Variants in DCHS2 observed in about 807,000 individuals in gnomAD.
DCHS2 encodes the protein protocadherin-23.
DCHS2 carries 142 observed loss-of-function variants against 182.4 expected under a neutral mutation model. The ratio of observed to expected loss-of-function variants is 0.78; its 90% CI spans 0.68 to 0.89. DCHS2 has a LOEUF of 0.89. Ranked by LOEUF, DCHS2 falls within the 40% of genes least tolerant of loss-of-function variation. DCHS2 has a pLI of 0.00. For missense variants in DCHS2, 4,319 were observed against 4,198.6 expected, an observed-to-expected ratio of 1.03 and a Z score of -0.79; for synonymous variants, 1,740 against 1,663.3, an observed-to-expected ratio of 1.05 and a Z score of -1.12.
chr4:154,489,567 C>T lies in DCHS2; in HGVS notation c.1789G>A (p.Val597Ile). The change falls in exon 1 of 20, where the codon GTC (valine) becomes ATC (isoleucine). Residue 597 changes from valine (V) to isoleucine (I), a missense_variant. Val to Ile is a conservative substitution (Grantham distance 29). Coordinates refer to ENST00000357232, the MANE Select transcript of DCHS2 (RefSeq NM_001358235.2). ...CNLGSLQSKM[V>I]HTAECGPSFA... ...GATGGTCCACACTCTGCGGTGTGGA[C>T]CATCTTTGATTGCAGGGAGCCGAGA... 6.4e-7 allele frequency: 1 copy of T among 1,551,130 alleles called. No homozygotes were observed. The highest frequency in any genetic ancestry group is 8.7e-7 in the Non-Finnish European group (1 of 1,146,672).
chr4:154,385,632 GC>G (rs1178633703), intron 1 of DCHS2, among the ~76,000 whole-genome samples: 8 of 149,102 alleles, frequency 5.4e-5, no homozygotes, highest in Admixed American at 6.8e-5. Context: ...GACTACAGGT[GC>G]AGGCCATCAT....
intron 14 of DCHS2, chr4:154,269,433 G>A (rs1406697143): frequency 6.4e-6 from 1 of 156,670 alleles, no homozygotes; most frequent in Non-Finnish European, 1.4e-5. Flanking sequence ...TACATGCTGT[G>A]TTTGGAAGTA....
chr4:154,240,099 A>G (rs1357341379), intron 18 of DCHS2, among the ~76,000 whole-genome samples: 1 of 152,276 alleles, frequency 6.6e-6, no homozygotes, highest in South Asian at 2.1e-4. Flanking sequence ...AACATATATT[A>G]TGCTCTAAAA....
chr4:154,240,911 T>G (rs1277011583), intron 17 of DCHS2, 88 bp from the exon 18 acceptor site: 7 of 1,502,848 alleles, frequency 4.7e-6, no homozygotes, highest in Non-Finnish European at 6.2e-6. Context: ...GTATTTTTAT[T>G]CTAAGTCCAA....
At position 154,255,601 on chromosome 4, in the gene DCHS2, C is replaced by A. The variant is rs370163594; in HGVS notation, c.6859G>T (p.Glu2287Ter). Residue 2287 changes from glutamate (E) to a stop codon, truncating the protein, a stop_gained, in exon 16 of 20, where the codon GAA becomes TAA. Transcript: ENST00000357232. LOFTEE classifies it high-confidence loss of function. ...IEYSILSGNQEEAFQIDALSG... is the reference protein window; with the variant it reads ...IEYSILSGNQ ...AGTGCATCAATCTGGAATGCTTCTT[C>A]TTGGTTGCCAGACAGAATAGAATAC... The A allele has an allele frequency of 5.6e-6, 9 of 1,613,912 alleles. No individual in the cohort carries two copies.
intron 1 of DCHS2, among the ~76,000 whole-genome samples, chr4:154,482,311 A>G (rs1208708564): frequency 2.0e-5 from 3 of 152,246 alleles, no homozygotes; most frequent in African/African-American, 4.8e-5. Context: ...AATAAATTCC[A>G]TATGTCATTT....
At chr4:154,280,808 C>T (rs571335695) in intron 13 of DCHS2, among the ~76,000 whole-genome samples, 9 of 149,216 alleles carry the variant, frequency 6.0e-5, no homozygotes, top group Non-Finnish European at 4.4e-5. Flanking sequence ...AGATAAGGAA[C>T]AAGACAAGAA....
At chr4:154,351,056 C>G (rs983897418) in intron 3 of DCHS2, among the ~76,000 whole-genome samples, 2 of 152,128 alleles carry the variant, frequency 1.3e-5, no homozygotes, top group African/African-American at 4.8e-5. Flanking sequence ...AAGGAAACTG[C>G]CTTCTAGTGA....
chr4:154,356,542 C>T (rs887993631), intron 3 of DCHS2, among the ~76,000 whole-genome samples: 5 of 152,140 alleles, frequency 3.3e-5, no homozygotes, highest in Admixed American at 1.3e-4. Context: ...TCCAGTCCTG[C>T]GAGCTTTATT....
Position 154,298,014 on chromosome 4 carries a change from A to C in DCHS2, c.6300T>G (p.Ser2100=). ...TGEIQFQQNP[S]SEYFPIWLQL... ...GCAGCCAGATAGGGAAGTATTCTGA[A>C]GATGGATTTTGCTGAAATTGAATTT... Residue 2100 remains serine, a synonymous_variant, in exon 13 of 20, where the codon TCT becomes TCG. Transcript: ENST00000357232. The C allele has an allele frequency of 6.2e-7, 1 of 1,614,094 alleles. No homozygotes were observed. Among genetic ancestry groups the C allele is most frequent in the East Asian group, 2.2e-5 (1 of 44,854 alleles).
At chr4:154,261,698 A>G (rs1052379698) in intron 14 of DCHS2, 1 of 152,110 alleles carries the variant, frequency 6.6e-6, no homozygotes, top group Non-Finnish European at 1.5e-5. Context: ...AAAAAACAAT[A>G]TATATTAACT....
rs1731400560 is a variant in DCHS2 at position 154,235,175 on chromosome 4, T to C, written c.9477A>G (p.Glu3159=). The part of the protein sequence containing the change: ...TDVMVTAETA[E]ASQTFGEGDQ... ...CTCCTTCCCCAAATGTTTGGCTGGC[T>C]TCTGCTGTTTCGGCAGTCACCATCA... is the stretch of plus-strand genomic sequence containing the variant. Residue 3159 remains glutamate, a synonymous_variant, in exon 20 of 20, where the codon GAA becomes GAG. Transcript: ENST00000357232. 7 of 1,614,070 alleles carry C rather than the reference T, an allele frequency of 4.3e-6. No individual in the cohort carries two copies. The highest frequency in any genetic ancestry group is 5.9e-6 in the Non-Finnish European group (7 of 1,179,960).
chr4:154,322,185 G>A, intron 8 of DCHS2, 146 bp downstream of exon 8: 2 of 1,185,706 alleles, frequency 1.7e-6, no homozygotes, highest in Non-Finnish European at 2.3e-6. Flanking sequence ...AGTATGCTAT[G>A]TGCAATGCTC....
rs772388289 is a variant in DCHS2, at chr4:154,236,502, T to C, written c.8150A>G (p.Glu2717Gly). The C allele has an allele frequency of 6.2e-7, 1 of 1,613,932 alleles. No individual in the cohort carries two copies. The highest frequency in any genetic ancestry group is 1.3e-5 in the African/African-American group (1 of 74,922). Residue 2717 changes from glutamate to glycine, a missense_variant, in exon 20 of 20, where the codon GAA becomes GGA. Transcript: ENST00000357232. ...GNEKGHFYLEENTGVLYLIKP... is the reference protein window; with the variant it reads ...GNEKGHFYLEGNTGVLYLIKP... ...AATCAAATAAAGAACTCCAGTGTTT[T>C]CTTCTAAGTAAAAATGTCCCTTCTC...
intron 1 of DCHS2, among the ~76,000 whole-genome samples, chr4:154,488,877 A>T (rs577881028): frequency 9.4e-5 from 14 of 148,260 alleles, no homozygotes; most frequent in East Asian, 4.1e-4. Flanking sequence ...GTTTGACAAA[A>T]ATATATATAT....
chr4:154,263,538 C>T (rs925700187), intron 14 of DCHS2, among the ~76,000 whole-genome samples: 1 of 151,844 alleles, frequency 6.6e-6, no homozygotes, highest in Non-Finnish European at 1.5e-5. Flanking sequence ...TCTACCACAA[C>T]CTTTTATCTT....
chr4:154,273,998 G>C lies in DCHS2; in HGVS notation c.6464-3985C>G, dbSNP rs142049472. On this transcript the variant is annotated intron_variant, in intron 13 of 19. Coordinates refer to ENST00000357232, the MANE Select transcript of DCHS2 (RefSeq NM_001358235.2). ...GAGGAAACATCTAAAAGGAACAGGA[G>C]CTGACATGGTGTCAGAGATGAGTAC... is the stretch of plus-strand genomic sequence containing the variant. 3.6e-3 allele frequency among the ~76,000 whole-genome samples: 541 copies of C among 152,260 alleles called. 1 individual carries two copies. Among genetic ancestry groups the C allele is most frequent in the Non-Finnish European group, 5.7e-3 (389 of 68,022 alleles).
intron 1 of DCHS2, among the ~76,000 whole-genome samples, chr4:154,411,743 A>G (rs1275028981): frequency 6.6e-6 from 1 of 152,220 alleles, no homozygotes; most frequent in Non-Finnish European, 1.5e-5. Flanking sequence ...GGAAATGGAT[A>G]ACTATGTGAG....
Position 154,490,065 on chromosome 4 carries a change from G to C in DCHS2, c.1291C>G (p.Arg431Gly), listed in dbSNP as rs1042875003. ...GGVARVSEGA[R>G]PGDYVARVSV... ...ACGCGAGCCACGTAGTCGCCCGGTC[G>C]GGCGCCTTCAGAGACACGGGCGACG... The change falls in exon 1 of 20, where the codon CGA (arginine) becomes GGA (glycine). Residue 431 changes from arginine to glycine, a missense_variant. By Grantham distance (125) the Arg-to-Gly change is moderately radical. Transcript: ENST00000357232. The C allele has an allele frequency of 3.9e-6, 6 of 1,548,768 alleles. No homozygotes were observed. The highest frequency in any genetic ancestry group is 2.5e-5 in the East Asian group (1 of 40,802).
Sources: allele counts gnomAD v4.1 joint callset (sites outside exome capture counted in the v4.1 genomes callset), GRCh38; gene constraint gnomAD v4.1.1; transcripts MANE v1.5; gene names NCBI Gene and HGNC (gene_info 2026-07-23, HGNC 2026-07-21).